Variants in GLRA2 observed in about 807,000 individuals in gnomAD.
The protein encoded by GLRA2 is glycine receptor subunit alpha-2.
In GLRA2, 11 loss-of-function variants were observed where a neutral mutation model predicts 31.6. The observed-to-expected ratio is 0.35, with a 90% CI of 0.22 to 0.58. The LOEUF (loss-of-function observed/expected upper bound fraction) is 0.58, where lower values mean the gene tolerates loss of function less well. Ranked by LOEUF, GLRA2 falls within the 20% of genes least tolerant of loss-of-function variation. The pLI, the probability that GLRA2 is intolerant of heterozygous loss-of-function variation, is 0.84. For missense variants in GLRA2, 212 were observed against 351.8 expected, an observed-to-expected ratio of 0.60 and a Z score of 3.18; for synonymous variants, 132 against 134.0, an observed-to-expected ratio of 0.99 and a Z score of 0.10.
At chrX:14,589,046 T>G (rs1261648857) in intron 4 of GLRA2, among the ~76,000 whole-genome samples, 1 of 111,658 alleles carries the variant, frequency 9.0e-6, no homozygotes, top group Non-Finnish European at 1.9e-5. Flanking sequence ...AGTTCCTCTC[T>G]TCCTATTTAG....
At chrX:14,563,541 A>T (rs1171909744) in intron 2 of GLRA2, among the ~76,000 whole-genome samples, 2 of 112,196 alleles carry the variant, frequency 1.8e-5, no homozygotes, top group African/African-American at 6.5e-5. Context: ...TACAGTTTTC[A>T]ACAAAAATCA....
intron 7 of GLRA2, among the ~76,000 whole-genome samples, chrX:14,614,952 A>G (rs2147101933): frequency 8.9e-6 from 1 of 111,960 alleles, no homozygotes; most frequent in Admixed American, 9.5e-5. Context: ...CTGTAATAAT[A>G]CAGGGTGTTG....
intron 7 of GLRA2, among the ~76,000 whole-genome samples, chrX:14,649,966 A>T (rs1342871048): frequency 8.9e-6 from 1 of 112,220 alleles, no homozygotes; most frequent in Non-Finnish European, 1.9e-5. Context: ...CAAGTTACAG[A>T]TTCATATGAC....
At chrX:14,552,908 C>A (rs1163095061) in intron 2 of GLRA2, among the ~76,000 whole-genome samples, 1 of 111,859 alleles carries the variant, frequency 8.9e-6, no homozygotes, top group Non-Finnish European at 1.9e-5. Context: ...GTTTCATTAG[C>A]AACTCTCATG....
At chrX:14,517,002 T>A in the GLRA2 span, among the ~76,000 whole-genome samples, 1 of 112,209 alleles carries the variant, frequency 8.9e-6, no homozygotes, top group Non-Finnish European at 1.9e-5. Flanking sequence ...TCATGAAAGA[T>A]ATTAACAAAT....
At chrX:14,577,431 C>G (rs1039816271) in intron 3 of GLRA2, among the ~76,000 whole-genome samples, 2 of 112,729 alleles carry the variant, frequency 1.8e-5, no homozygotes, top group African/African-American at 6.4e-5. Flanking sequence ...AATTGAGGCC[C>G]TGCCTGGGAC....
the GLRA2 span, among the ~76,000 whole-genome samples, chrX:14,496,582 A>C: frequency 8.9e-6 from 1 of 112,129 alleles, no homozygotes; most frequent in Middle Eastern, 4.6e-3. Context: ...TCTTAATGCT[A>C]GCACTAAATT....
the GLRA2 span, among the ~76,000 whole-genome samples, chrX:14,488,425 G>T: frequency 8.0e-5 from 9 of 111,820 alleles, no homozygotes; most frequent in Non-Finnish European, 1.7e-4. Flanking sequence ...GGCCCTGCTA[G>T]GAGCTAACAT....
At chrX:14,483,745 A>G in the GLRA2 span, among the ~76,000 whole-genome samples, 1 of 112,023 alleles carries the variant, frequency 8.9e-6, no homozygotes, top group East Asian at 2.8e-4. Flanking sequence ...ACTTGATTGG[A>G]TTGAAGGATG....
intron 7 of GLRA2, among the ~76,000 whole-genome samples, chrX:14,669,842 A>G (rs1483208010): frequency 1.8e-5 from 2 of 111,990 alleles, no homozygotes; most frequent in Non-Finnish European, 3.8e-5. Flanking sequence ...CATTTTCTTC[A>G]TTGTCTTGGT....
At chrX:14,454,539 C>T in the GLRA2 span, among the ~76,000 whole-genome samples, 4 of 106,373 alleles carry the variant, frequency 3.8e-5, no homozygotes, top group Non-Finnish European at 7.7e-5. Flanking sequence ...TTTTTGTCTT[C>T]TTTTCTCAAA....
the GLRA2 span, among the ~76,000 whole-genome samples, chrX:14,480,445 A>T: frequency 8.9e-6 from 1 of 111,916 alleles, no homozygotes; most frequent in Non-Finnish European, 1.9e-5. Context: ...CCCAAGGCAG[A>T]TGTCCAGAAT....
At chrX:14,478,213 T>A in the GLRA2 span, among the ~76,000 whole-genome samples, 5 of 110,977 alleles carry the variant, frequency 4.5e-5, no homozygotes, top group Non-Finnish European at 7.6e-5. Context: ...TCTAATCCAT[T>A]CCCAAGGCCT....
At chrX:14,620,110 G>C (rs997985418) in intron 7 of GLRA2, among the ~76,000 whole-genome samples, 2 of 109,078 alleles carry the variant, frequency 1.8e-5, no homozygotes, top group African/African-American at 6.7e-5. Flanking sequence ...ATAGTATCAA[G>C]TAGTGTTACA....
At position 14,685,183 on chromosome X, in the gene GLRA2, G is replaced by A. The variant is rs760956122; in HGVS notation, c.931-5527G>A. Among the ~76,000 whole-genome samples the A allele has an allele frequency of 7.7e-3, 861 of 111,283 alleles. 4 individuals carry two copies. The highest frequency in any genetic ancestry group is 0.012 in the Non-Finnish European group (657 of 52,943). ...GATGAAGCCCACTTGATCATGGTGG[G>A]TAAGCTTTTTGATGTGCTGCTGGAT... On this transcript the variant is annotated intron_variant, in intron 7 of 8. Transcript: ENST00000218075.
intron 7 of GLRA2, among the ~76,000 whole-genome samples, chrX:14,671,783 T>C (rs931477798): frequency 9.7e-5 from 11 of 112,859 alleles, no homozygotes; most frequent in Non-Finnish European, 1.5e-4. Context: ...CACATGCAAT[T>C]GTTTTTCCTG....
chrX:14,610,057 A>T (rs1254082597), intron 7 of GLRA2, among the ~76,000 whole-genome samples: 1 of 112,224 alleles, frequency 8.9e-6, no homozygotes, highest in East Asian at 2.8e-4. Context: ...TCCCCATTTC[A>T]CTGAGCACAC....
chrX:14,571,055 G>T (rs1022479104), intron 2 of GLRA2, among the ~76,000 whole-genome samples: 1 of 111,071 alleles, frequency 9.0e-6, no homozygotes, highest in Non-Finnish European at 1.9e-5. Flanking sequence ...GGGAAGGGGG[G>T]AGCAGGAAGA....
intron 8 of GLRA2, among the ~76,000 whole-genome samples, chrX:14,722,425 C>A (rs1351427058): frequency 3.6e-5 from 4 of 111,279 alleles, no homozygotes; most frequent in African/African-American, 1.3e-4. Context: ...AGGATTGGAG[C>A]TTCATCACTT....
Sources: gnomAD v4.1 joint callset for allele counts (sites outside exome capture counted in the v4.1 genomes callset) on GRCh38, gnomAD v4.1.1 for gene constraint, MANE v1.5 for transcripts, NCBI Gene and HGNC (gene_info 2026-07-23, HGNC 2026-07-21) for gene names.